The following SLC39A6 variants were observed in gnomAD, a reference collection of about 807,000 sequenced individuals.
The protein encoded by SLC39A6 is zinc transporter ZIP6.
In SLC39A6, 51 loss-of-function variants were observed where a neutral mutation model predicts 63.5. The ratio of observed to expected loss-of-function variants is 0.80; its 90% confidence interval spans 0.64 to 1.01. SLC39A6 has a LOEUF of 1.01. Ranked by LOEUF, SLC39A6 falls within the 50% of genes least tolerant of loss-of-function variation. The probability of loss-of-function intolerance (pLI) is 0.00; values close to 1 mark genes in which losing one functional copy is unlikely to be tolerated. For synonymous variants in SLC39A6, 318 were observed against 324.7 expected (o/e 0.98, Z 0.22); for missense variants, 805 against 927.8 (o/e 0.87, Z 1.72).
At chr18:36,116,591 A>G in intron 6 of SLC39A6, 83 bp downstream of exon 6, 1 of 934,558 alleles carries the variant, frequency 1.1e-6, no homozygotes, top group Non-Finnish European at 1.7e-6. Flanking sequence ...ACATGGTCCC[A>G]TTTCTTCCAG....
At chr18:36,124,791 G>T in intron 2 of SLC39A6, 91 bp from the exon 3 acceptor site, 1 of 992,886 alleles carries the variant, frequency 1.0e-6, no homozygotes, top group Non-Finnish European at 1.4e-6. Context: ...ATGCTACTTC[G>T]TTTTCTCGAG....
chr18:36,124,391 G>A (rs1339937471), intron 3 of SLC39A6, 129 bp downstream of exon 3: 2 of 533,686 alleles, frequency 3.7e-6, no homozygotes, highest in African/African-American at 3.8e-5. Context: ...TCACATTCAA[G>A]GCAAAGAACA....
At chr18:36,110,305 T>G (rs17563135) in intron 9 of SLC39A6, among the ~76,000 whole-genome samples, 18 of 152,076 alleles carry the variant, frequency 1.2e-4, no homozygotes, top group Non-Finnish European at 2.4e-4. Context: ...TGTCCTAGAC[T>G]TCCTACAAAT....
chr18:36,126,629 C>T lies in SLC39A6; in HGVS notation c.379G>A (p.Asp127Asn), dbSNP rs1403246020. The T allele has an allele frequency of 1.2e-6, 2 of 1,613,508 alleles. No homozygotes were observed. The highest frequency in any genetic ancestry group is 3.3e-5 in the Admixed American group (2 of 59,974). The change falls in exon 2 of 10, where the codon GAT becomes AAT. Residue 127 changes from aspartate (D) to asparagine (N), a missense_variant. By Grantham distance (23) the Asp-to-Asn change is conservative. Coordinates refer to ENST00000269187, the MANE Select transcript of SLC39A6 (RefSeq NM_012319.4). ...HSEHEHHSDH[D>N]HHSHHNHAAS... ...GCATGATTATGGTGAGAGTGATGAT[C>T]ATGGTCAGAGTGATGCTCGTGCTCT...
chr18:36,126,512 C>T lies in SLC39A6; in HGVS notation c.496G>A (p.Ala166Thr), dbSNP rs1228769560. The change falls in exon 2 of 10, where the codon GCT (alanine) becomes ACT (threonine). Residue 166 changes from alanine (A) to threonine (T), a missense_variant. By Grantham distance (58) the Ala-to-Thr change is moderately conservative (BLOSUM62 0). Transcript: ENST00000269187. The stretch of plus-strand genomic sequence containing the variant: ...CCACTGGCATGTTCTGGTCGGTGAG[C>T]TCCTTTCCCCTGGCTGTTTCTAGGA... ...KDPRNSQGKG[A>T]HRPEHASGRR... is the part of the protein sequence containing the mutation. The T allele has an allele frequency of 6.2e-7, 1 of 1,614,242 alleles. No homozygotes were observed. The highest frequency in any genetic ancestry group is 1.1e-5 in the South Asian group (1 of 91,088).
At position 36,110,602 on chromosome 18, in the gene SLC39A6, A is replaced by C. The variant is rs1163714204; in HGVS notation, c.2115+457T>G. Among the ~76,000 whole-genome samples the C allele has an allele frequency of 4.6e-5, 7 of 152,022 alleles. No homozygotes were observed. The East Asian group carries it at 1.3e-3, about 29-fold the overall frequency. ...TGTCCAGGCTGGAGTGCAGTAGTAC[A>C]ATCTCAGCTCACTGCAACCTCCATC... On this transcript the variant is annotated intron_variant, in intron 9 of 9. Coordinates refer to ENST00000269187, the MANE Select transcript of SLC39A6 (RefSeq NM_012319.4).
rs1050631 is a variant in SLC39A6 at position 36,114,157 on chromosome 18, G to A, written c.1783C>T (p.Leu595=). 530,592 of 1,613,836 alleles carry A rather than the reference G, an allele frequency of 0.33. 89,289 individuals are homozygous for A. Among genetic ancestry groups the A allele is most frequent in the Middle Eastern group, 0.41 (2,469 of 6,062 alleles). ...TCACCCATTATCACCATCCAGGCCA[G>A]AGTGGCGACGCCGGCATCTTTCAGC... ...EELKDAGVAT[L]AWMVIMGDGL... The change falls in exon 7 of 10, where the codon CTG becomes TTG. Residue 595 remains leucine (L), a synonymous_variant. Coordinates refer to ENST00000269187, the MANE Select transcript of SLC39A6 (RefSeq NM_012319.4).
At chr18:36,126,169 AC>A (rs1598713521) in intron 2 of SLC39A6, 49 bp downstream of exon 2, 7 of 1,487,554 alleles carry the variant, frequency 4.7e-6, no homozygotes, top group Non-Finnish European at 6.5e-6. Flanking sequence ...AGTAGCAGAG[AC>A]AGGACAGACA....
At chr18:36,116,232 T>C (rs951282943) in intron 6 of SLC39A6, among the ~76,000 whole-genome samples, 16 of 152,184 alleles carry the variant, frequency 1.1e-4, no homozygotes, top group Non-Finnish European at 2.9e-5. Context: ...AGAATGTCCA[T>C]TTTCCTAGGA....
chr18:36,126,168 G>A, intron 2 of SLC39A6, 51 bp downstream of exon 2: 1 of 1,482,040 alleles, frequency 6.7e-7, no homozygotes. Flanking sequence ...GAGTAGCAGA[G>A]ACAGGACAGA....
At chr18:36,119,847 T>C (rs2089377087) in intron 5 of SLC39A6, among the ~76,000 whole-genome samples, 1 of 151,928 alleles carries the variant, frequency 6.6e-6, no homozygotes, top group Non-Finnish European at 1.5e-5. Context: ...GCCACTGCAC[T>C]CTAACCTGGG....
At position 36,122,151 on chromosome 18, in the gene SLC39A6, G is replaced by A. The variant is rs777763806; in HGVS notation, c.1260C>T (p.Ser420=). The A allele has an allele frequency of 5.6e-6, 9 of 1,613,926 alleles. No homozygotes were observed. Among genetic ancestry groups the A allele is most frequent in the South Asian group, 5.5e-5 (5 of 91,082 alleles). Residue 420 remains serine, a synonymous_variant, in exon 5 of 10, where the codon TCC becomes TCT. Coordinates refer to ENST00000269187, the MANE Select transcript of SLC39A6 (RefSeq NM_012319.4). ...QNIEESAYFD[S]TWKGLTALGG... is the part of the protein sequence containing the mutation. ...CTAGAGCTGTTAGACCCTTCCACGT[G>A]GAATCAAAATAGGCACTTTCTTCTA... is the stretch of plus-strand genomic sequence containing the variant.
intron 1 of SLC39A6, among the ~76,000 whole-genome samples, chr18:36,128,732 A>G (rs1467393002): frequency 6.6e-6 from 1 of 152,188 alleles, no homozygotes. Flanking sequence ...TGTGTGCTGG[A>G]GGAAAAAGGA....
chr18:36,115,025 G>T (rs111484764), intron 6 of SLC39A6, among the ~76,000 whole-genome samples: 1,639 of 152,126 alleles, frequency 0.011, 43 homozygotes, highest in African/African-American at 0.036. Context: ...CCACAATAAG[G>T]TTATTTTTTT....
chr18:36,117,338 AC>A (rs1214887881), intron 5 of SLC39A6, among the ~76,000 whole-genome samples: 1 of 151,868 alleles, frequency 6.6e-6, no homozygotes, highest in Non-Finnish European at 1.5e-5. Context: ...GCACACTGAA[AC>A]CCCAAACTTC....
Position 36,126,922 on chromosome 18 carries a change from A to G in SLC39A6, c.86T>C (p.Phe29Ser). 1 of 1,614,106 alleles carries G rather than the reference A, an allele frequency of 6.2e-7. No individual in the cohort carries two copies. The highest frequency in any genetic ancestry group is 8.5e-7 in the Non-Finnish European group (1 of 1,180,008). The change falls in exon 2 of 10, where the codon TTC becomes TCC. Residue 29 changes from phenylalanine to serine, a missense_variant. Physicochemically the swap from Phe to Ser is radical, Grantham distance 155. Around this residue, in one of 4 missense-constraint regions of SLC39A6, gnomAD observed 639 missense variants for 644.0 expected, o/e 0.99. Coordinates refer to ENST00000269187, the MANE Select transcript of SLC39A6 (RefSeq NM_012319.4). ...ACTAATTTTCTCAGTGGTCTGGGGG[A>G]AAGCAGCTGCTTTTAGTTCATGAAG... ...NPLHELKAAA[F>S]PQTTEKISPN...
intron 5 of SLC39A6, 39 bp from the exon 6 acceptor site, chr18:36,116,818 T>C: frequency 7.1e-7 from 1 of 1,409,518 alleles, no homozygotes; most frequent in Non-Finnish European, 1.0e-6. Flanking sequence ...AAAACAGTAA[T>C]TTGTTTATAT....
chr18:36,118,385 A>G (rs2089365107), intron 5 of SLC39A6, among the ~76,000 whole-genome samples: 1 of 152,238 alleles, frequency 6.6e-6, no homozygotes, highest in Admixed American at 6.5e-5. Context: ...GACACATTTT[A>G]CAATAGAAAA....
chr18:36,126,334 C>A lies in SLC39A6; in HGVS notation c.674G>T (p.Ser225Ile). ...PKDVSSSTPP[S>I]VTSKSRVSRL... ...GCTCACCCGGCTCTTTGATGTGACA[C>A]TGGGTGGAGTGGAGCTGCTTACATC... Residue 225 changes from serine (S) to isoleucine (I), a missense_variant, in exon 2 of 10, where the codon AGT (serine) becomes ATT (isoleucine). Physicochemically the swap from Ser to Ile is moderately radical, Grantham distance 142 (BLOSUM62 -2). Around this residue, in one of 4 missense-constraint regions of SLC39A6, gnomAD observed 639 missense variants for 644.0 expected, o/e 0.99. Transcript: ENST00000269187. 1 of 1,614,248 alleles carries A rather than the reference C, an allele frequency of 6.2e-7. No individual in the cohort carries two copies. The highest frequency in any genetic ancestry group is 8.5e-7 in the Non-Finnish European group (1 of 1,180,054).
Sources: allele counts gnomAD v4.1 joint callset (sites outside exome capture counted in the v4.1 genomes callset), GRCh38; gene constraint gnomAD v4.1.1; regional missense constraint gnomAD v4.1.1; transcripts MANE v1.5; gene names NCBI Gene and HGNC (gene_info 2026-07-23, HGNC 2026-07-21).